The following ELMOD3 variants were observed in gnomAD, a reference collection of about 807,000 sequenced individuals.
ELMOD3 encodes the protein ELMO domain-containing protein 3.
A neutral mutation model predicts 47.4 loss-of-function variants in ELMOD3; 36 were observed. The observed-to-expected ratio is 0.76, with a 90% CI of 0.58 to 1.00. ELMOD3 has a LOEUF of 1.00. Among genes scored for constraint, ELMOD3 ranks in the 50% least tolerant of loss-of-function variants. The pLI is 0.00. For synonymous variants in ELMOD3, 149 were observed against 183.5 expected, an observed-to-expected ratio of 0.81 and a Z score of 1.52; for missense variants, 404 against 463.8, an observed-to-expected ratio of 0.87 and a Z score of 1.18.
chr2:85,387,946 A>G (rs1183647862), intron 11 of ELMOD3, among the ~76,000 whole-genome samples: 2 of 152,278 alleles, frequency 1.3e-5, no homozygotes, highest in African/African-American at 2.4e-5. Context: ...CACAGAACAC[A>G]CTTCATTCTT....
At position 85,362,275 on chromosome 2, in the gene ELMOD3, C is replaced by T; in HGVS notation, c.129+15C>T. ...GAGGAATCCCTGTATGTATCACCCA[C>T]AACTTGGTACCTTCTGCCAGGGCTT... On this transcript the variant is annotated intron_variant, in intron 5 of 13. Coordinates refer to ENST00000409013, the MANE Select transcript of ELMOD3 (RefSeq NM_001135022.2). 1 of 1,474,116 alleles carries T rather than the reference C, an allele frequency of 6.8e-7. No homozygotes were observed. The highest frequency in any genetic ancestry group is 9.5e-7 in the Non-Finnish European group (1 of 1,052,320). 91.3% of individuals were successfully genotyped at this position (1,474,116 alleles called of 1,614,324 possible).
chr2:85,363,605 C>T (rs573725362), intron 6 of ELMOD3, among the ~76,000 whole-genome samples: 1 of 152,202 alleles, frequency 6.6e-6, no homozygotes, highest in South Asian at 2.1e-4. Flanking sequence ...TGTATTAGTC[C>T]GTTTTCATGC....
At position 85,363,159 on chromosome 2, in the gene ELMOD3, GC is replaced by G; in HGVS notation, c.194del (p.Pro65HisfsTer4). The G allele has an allele frequency of 6.2e-7, 1 of 1,605,842 alleles. No individual in the cohort carries two copies. Among genetic ancestry groups the G allele is most frequent in the Admixed American group, 1.7e-5 (1 of 59,972 alleles). On this transcript the variant is annotated frameshift_variant, in exon 6 of 14. Coordinates refer to ENST00000409013, the MANE Select transcript of ELMOD3 (RefSeq NM_001135022.2). LOFTEE classifies it high-confidence loss of function. Reference protein sequence around the residue: ...ALTTEAYEWEPRVVSTEVVRA... With the variant: ...ALTTEAYEWEXRVVSTEVVRA... The stretch of plus-strand genomic sequence containing the variant: ...TGACCACAGAAGCTTATGAATGGGA[GC>G]CACGTGGTAAGGTTCCCTTCAGGGC...
At chr2:85,386,381 C>CTTTTTTT (rs570387148) in intron 11 of ELMOD3, among the ~76,000 whole-genome samples, 1 of 62,464 alleles carries the variant, frequency 1.6e-5, no homozygotes, top group Non-Finnish European at 2.8e-5. Flanking sequence ...GATACGTAGG[C>CTTTTTTT]TTTTTTTTTT....
At chr2:85,369,897 C>A in intron 8 of ELMOD3, 67 bp downstream of exon 8, 1 of 1,583,598 alleles carries the variant, frequency 6.3e-7, no homozygotes, top group East Asian at 2.2e-5. Context: ...AGCCTCTATC[C>A]CACCAGGACA....
At chr2:85,367,912 T>G (rs1334734948) in intron 6 of ELMOD3, among the ~76,000 whole-genome samples, 1 of 151,728 alleles carries the variant, frequency 6.6e-6, no homozygotes, top group Admixed American at 6.6e-5. Context: ...CTTACTTTTC[T>G]TTTCTTTTTT....
chr2:85,357,303 A>C, intron 4 of ELMOD3, 51 bp downstream of exon 4: 8 of 1,184,560 alleles, frequency 6.8e-6, no homozygotes, highest in Non-Finnish European at 9.9e-6. Flanking sequence ...GAGATATATC[A>C]TTAAGTATAG....
At chr2:85,386,142 C>T (rs748185806) in intron 11 of ELMOD3, among the ~76,000 whole-genome samples, 7 of 152,174 alleles carry the variant, frequency 4.6e-5, no homozygotes, top group Non-Finnish European at 1.0e-4. Flanking sequence ...GCAGAAGATA[C>T]TCTGGTCTTC....
In ELMOD3 at chr2:85,376,260, A is replaced by G. The variant is rs1254423896; in HGVS notation, c.608-1084A>G. ...TTCTTGGTGTAACAACTGATTTTTT[A>G]TTGTATCTTAGACATTTTGGGTAGT... On this transcript the variant is annotated intron_variant, in intron 10 of 13. Coordinates refer to ENST00000409013, the MANE Select transcript of ELMOD3 (RefSeq NM_001135022.2). The surrounding 1 kb of genome is among the most constrained non-coding windows in gnomAD (Gnocchi z 4.2). 6.6e-6 allele frequency among the ~76,000 whole-genome samples: 1 copy of G among 152,102 alleles called. No homozygotes were observed. The highest frequency in any genetic ancestry group is 1.5e-5 in the Non-Finnish European group (1 of 68,000).
At chr2:85,390,615 G>C in intron 13 of ELMOD3, 145 bp from the exon 14 acceptor site, 1 of 1,516,312 alleles carries the variant, frequency 6.6e-7, no homozygotes, top group South Asian at 1.3e-5. Flanking sequence ...CCTCTCTGGT[G>C]ATCTCTCCAT....
chr2:85,371,444 C>T lies in ELMOD3; in HGVS notation c.489C>T (p.Gly163=), dbSNP rs1684782752. The change falls in exon 10 of 14, where the codon GGC becomes GGT. Residue 163 remains glycine, a synonymous_variant. Transcript: ENST00000409013. ...TGTGGGTGTGTTTTGGGGCAGGTGG[C>T]CTGGATAGCCAAGACCCAGTGCATG... ...RDLVLTIAQC[G]LDSQDPVHGR... is the part of the protein sequence containing the mutation. 1.2e-6 allele frequency: 2 copies of T among 1,614,024 alleles called. No homozygotes were observed. Among genetic ancestry groups the T allele is most frequent in the African/African-American group, 2.7e-5 (2 of 74,942 alleles).
intron 11 of ELMOD3, among the ~76,000 whole-genome samples, chr2:85,378,866 G>T (rs964613680): frequency 6.6e-6 from 1 of 152,110 alleles, no homozygotes; most frequent in Admixed American, 6.6e-5. Context: ...ATTCCTAGAC[G>T]GATAGGTCCC....
chr2:85,358,434 A>T (rs961073004), intron 4 of ELMOD3, among the ~76,000 whole-genome samples: 8 of 152,188 alleles, frequency 5.3e-5, no homozygotes, highest in Non-Finnish European at 4.4e-5. Context: ...TGCCTTGAGT[A>T]GGTGGAACTG....
At chr2:85,360,415 G>A (rs775997061) in intron 4 of ELMOD3, among the ~76,000 whole-genome samples, 9 of 150,148 alleles carry the variant, frequency 6.0e-5, no homozygotes, top group Non-Finnish European at 1.2e-4. Flanking sequence ...GTGCGGTGGC[G>A]TAATCTCAGC....
rs1282638516 is a variant in ELMOD3 at position 85,371,459 on chromosome 2, C to T, written c.504C>T (p.Asp168=). Reference sequence around the variant, plus strand: ...GGGCAGGTGGCCTGGATAGCCAAGACCCAGTGCATGGCCGAGTCCTCCAGA... The same window carrying T: ...GGGCAGGTGGCCTGGATAGCCAAGATCCAGTGCATGGCCGAGTCCTCCAGA... ...TIAQCGLDSQ[D]PVHGRVLQTI... The change falls in exon 10 of 14, where the codon GAC becomes GAT. Residue 168 remains aspartate (D), a synonymous_variant. Coordinates refer to ENST00000409013, the MANE Select transcript of ELMOD3 (RefSeq NM_001135022.2). The T allele has an allele frequency of 6.2e-7, 1 of 1,614,210 alleles. No individual in the cohort carries two copies. The highest frequency in any genetic ancestry group is 1.1e-5 in the South Asian group (1 of 91,082).
Position 85,390,220 on chromosome 2 carries a change from A to G in ELMOD3, c.898A>G (p.Arg300Gly). Reference protein sequence around the residue: ...ATFLHLAHVWRTQRKTISDSG... With the variant: ...ATFLHLAHVWGTQRKTISDSG... ...ATTCCTCCACCTCGCACATGTCTGG[A>G]GGACACAGCGGAAGACCATCTCAGA... is the stretch of plus-strand genomic sequence containing the variant. The change falls in exon 13 of 14, where the codon AGG becomes GGG. Residue 300 changes from arginine (R) to glycine (G), a missense_variant. Coordinates refer to ENST00000409013, the MANE Select transcript of ELMOD3 (RefSeq NM_001135022.2). The G allele has an allele frequency of 6.2e-7, 1 of 1,614,150 alleles. No homozygotes were observed. Among genetic ancestry groups the G allele is most frequent in the Non-Finnish European group, 8.5e-7 (1 of 1,180,026 alleles).
chr2:85,363,020 A>G, intron 5 of ELMOD3, 77 bp from the exon 6 acceptor site: 1 of 874,008 alleles, frequency 1.1e-6, no homozygotes, highest in African/African-American at 1.6e-5. Flanking sequence ...GACATTCAGT[A>G]CAGTGGGTGG....
Position 85,391,164 on chromosome 2 carries a change from G to A in ELMOD3, c.*202G>A, listed in dbSNP as rs73945730. ...GGCAGCTAGACTTCACCCCCTTCCC[G>A]CAGACCTGCCTCCAGAGCAAGGAGA... On this transcript the variant is annotated 3_prime_UTR_variant, in exon 14 of 14. Coordinates refer to ENST00000409013, the MANE Select transcript of ELMOD3 (RefSeq NM_001135022.2). 8.4e-3 allele frequency: 4,908 copies of A among 581,224 alleles called. 184 individuals carry two copies. Among genetic ancestry groups the A allele is most frequent in the African/African-American group, 0.081 (4,331 of 53,442 alleles). 36.0% of individuals were successfully genotyped at this position (581,224 alleles called of 1,614,324 possible). A position where few individuals can be genotyped will look rare whatever the true frequency, so the allele number is the denominator to read the frequency against.
At position 85,369,773 on chromosome 2, in the gene ELMOD3, A is replaced by G. The variant is rs777191100; in HGVS notation, c.303A>G (p.Leu101=). The change falls in exon 8 of 14, where the codon CTA becomes CTG. Residue 101 remains leucine (L), a synonymous_variant. Transcript: ENST00000409013. ...SQASSEQPGQ[L]ISFSEALQHF... is the part of the protein sequence containing the mutation. The stretch of plus-strand genomic sequence containing the variant: ...CTAGCTCAGAGCAGCCTGGGCAGCT[A>G]ATCTCCTTCAGTGAGGCCCTGCAGC... 3.1e-6 allele frequency: 5 copies of G among 1,614,108 alleles called. No individual in the cohort carries two copies. In the African/African-American group the frequency reaches 4.0e-5, roughly 13 times the overall value.
Sources: gnomAD v4.1 joint callset for allele counts (sites outside exome capture counted in the v4.1 genomes callset) on GRCh38, gnomAD v4.1.1 for gene constraint, Gnocchi (gnomAD v3.1) non-coding constraint, MANE v1.5 for transcripts, NCBI Gene and HGNC (gene_info 2026-07-23, HGNC 2026-07-21) for gene names.